The following GRM3 variants were observed in gnomAD, a reference collection of about 807,000 sequenced individuals.
The protein encoded by GRM3 is metabotropic glutamate receptor 3.
GRM3 carries 26 observed loss-of-function variants against 70.5 expected under a neutral mutation model. The observed-to-expected ratio is 0.37, with a 90% confidence interval of 0.27 to 0.51. GRM3 has a LOEUF of 0.51. Among genes scored for constraint, GRM3 ranks in the 20% least tolerant of loss-of-function variants. The probability of loss-of-function intolerance (pLI) is 0.93; values close to 1 mark genes in which losing one functional copy is unlikely to be tolerated. For missense variants in GRM3, 859 were observed against 1,123.8 expected (o/e 0.76, Z 3.37); for synonymous variants, 443 against 434.9 (o/e 1.02, Z -0.23).
intron 1 of GRM3, among the ~76,000 whole-genome samples, chr7:86,645,980 T>TGGGTGG (rs1562811178): frequency 2.0e-5 from 1 of 50,178 alleles, no homozygotes; most frequent in African/African-American, 9.5e-5. Flanking sequence ...TTCTTTGTGG[T>TGGGTGG]GGGCGGGGGG....
At chr7:86,852,113 C>T (rs1175463730) in intron 5 of GRM3, among the ~76,000 whole-genome samples, 1 of 152,072 alleles carries the variant, frequency 6.6e-6, no homozygotes, top group African/African-American at 2.4e-5. Flanking sequence ...GAGTCAGTTC[C>T]TATGATTTCA....
intron 1 of GRM3, among the ~76,000 whole-genome samples, chr7:86,647,142 G>T (rs193025142): frequency 5.3e-5 from 8 of 152,266 alleles, no homozygotes; most frequent in Non-Finnish European, 2.9e-5. Context: ...TGATTAGCTG[G>T]AATCACACAA....
chr7:86,657,006 T>C (rs1046559063), intron 1 of GRM3, among the ~76,000 whole-genome samples: 3 of 152,310 alleles, frequency 2.0e-5, no homozygotes, highest in African/African-American at 4.8e-5. Flanking sequence ...TAAATTATCA[T>C]GTTAATATCT....
intron 3 of GRM3, among the ~76,000 whole-genome samples, chr7:86,799,680 C>A (rs951134637): frequency 2.6e-5 from 4 of 151,736 alleles, no homozygotes; most frequent in African/African-American, 9.7e-5. Flanking sequence ...GCGCCCACCA[C>A]CAAGGCCAGC....
intron 3 of GRM3, among the ~76,000 whole-genome samples, chr7:86,808,241 C>G (rs1052013020): frequency 1.3e-5 from 2 of 152,122 alleles, no homozygotes; most frequent in African/African-American, 4.8e-5. Flanking sequence ...GCATTGGTAT[C>G]AGGATGATGC....
rs545330037 is a variant in GRM3, at chr7:86,772,082, T to G, written c.468+6469T>G. 2.6e-5 allele frequency among the ~76,000 whole-genome samples: 4 copies of G among 152,246 alleles called. No individual in the cohort carries two copies. In the East Asian group the frequency reaches 7.7e-4, roughly 29 times the overall value. ...AAATATAACTGTTCATTTGCATATT[T>G]ATTCTTCCATGAACTATAAGCCACT... On this transcript the variant is annotated intron_variant, in intron 2 of 5. Transcript: ENST00000361669.
At chr7:86,728,055 C>T (rs1002830270) in intron 1 of GRM3, among the ~76,000 whole-genome samples, 3 of 152,142 alleles carry the variant, frequency 2.0e-5, no homozygotes, top group Admixed American at 2.0e-4. Context: ...ATTCTGTAGA[C>T]AATTTATATT....
chr7:86,704,327 G>A (rs922501915), intron 1 of GRM3, among the ~76,000 whole-genome samples: 1 of 151,808 alleles, frequency 6.6e-6, no homozygotes, highest in Non-Finnish European at 1.5e-5. Flanking sequence ...TTTATTCATA[G>A]GAATACATTA....
chr7:86,829,456 A>C (rs558694838), intron 3 of GRM3, among the ~76,000 whole-genome samples: 1 of 152,294 alleles, frequency 6.6e-6, no homozygotes, highest in African/African-American at 2.4e-5. Context: ...TTTTGAGCTT[A>C]TCTCAGCTTT....
At chr7:86,723,937 T>C (rs1490158398) in intron 1 of GRM3, among the ~76,000 whole-genome samples, 1 of 152,148 alleles carries the variant, frequency 6.6e-6, no homozygotes, top group Non-Finnish European at 1.5e-5. Context: ...GCATTTCAAA[T>C]AACATGTGTT....
At chr7:86,840,299 G>T (rs546367295) in intron 4 of GRM3, among the ~76,000 whole-genome samples, 2 of 152,184 alleles carry the variant, frequency 1.3e-5, no homozygotes, top group Non-Finnish European at 2.9e-5. Flanking sequence ...GATATAGGAG[G>T]ACTCGGCTAC....
At chr7:86,848,883 T>C (rs1798706412) in intron 4 of GRM3, among the ~76,000 whole-genome samples, 1 of 152,234 alleles carries the variant, frequency 6.6e-6, no homozygotes, top group Non-Finnish European at 1.5e-5. Context: ...ACACCTGACT[T>C]TTTGTAAATG....
chr7:86,731,194 G>A lies in GRM3; in HGVS notation c.-140-33812G>A, dbSNP rs1183086761. Among the ~76,000 whole-genome samples, 5 of 152,086 alleles carry A rather than the reference G, an allele frequency of 3.3e-5. No individual in the cohort carries two copies. In the South Asian group the frequency reaches 6.2e-4, roughly 19 times the overall value. ...TCTTTTGATTGAATATTGGCTGCTCGAATTCTACTACTGAATTCATCATAT... is the reference window on the plus strand; with the variant it reads ...TCTTTTGATTGAATATTGGCTGCTCAAATTCTACTACTGAATTCATCATAT... On this transcript the variant is annotated intron_variant, in intron 1 of 5. Coordinates refer to ENST00000361669, the MANE Select transcript of GRM3 (RefSeq NM_000840.3).
At chr7:86,841,130 T>C (rs972749203) in intron 4 of GRM3, among the ~76,000 whole-genome samples, 1 of 152,186 alleles carries the variant, frequency 6.6e-6, no homozygotes, top group African/African-American at 2.4e-5. Flanking sequence ...TGTACATAAA[T>C]GTATACAATT....
chr7:86,759,475 A>G (rs1796427233), intron 1 of GRM3, among the ~76,000 whole-genome samples: 1 of 152,168 alleles, frequency 6.6e-6, no homozygotes, highest in Non-Finnish European at 1.5e-5. Context: ...CAATCTTTCT[A>G]AAACTTGCAT....
chr7:86,721,467 G>A (rs1448894624), intron 1 of GRM3, among the ~76,000 whole-genome samples: 1 of 152,066 alleles, frequency 6.6e-6, no homozygotes, highest in African/African-American at 2.4e-5. Context: ...ATTCTTCCAT[G>A]GAAAGAATAA....
intron 5 of GRM3, among the ~76,000 whole-genome samples, chr7:86,860,973 C>T (rs1360550459): frequency 1.3e-5 from 2 of 152,162 alleles, no homozygotes; most frequent in African/African-American, 4.8e-5. Flanking sequence ...CTAGACTTAT[C>T]CCTGTGACAC....
intron 1 of GRM3, among the ~76,000 whole-genome samples, chr7:86,659,068 T>C (rs572606109): frequency 8.5e-5 from 13 of 152,298 alleles, no homozygotes; most frequent in Admixed American, 5.9e-4. Context: ...AAAGTCAACA[T>C]TGAGGCAGAT....
rs1301623797 is a variant in GRM3, at chr7:86,786,621, C to A, written c.829C>A (p.Arg277Ser). 6.2e-7 allele frequency: 1 copy of A among 1,612,892 alleles called. No individual in the cohort carries two copies. Among genetic ancestry groups the A allele is most frequent in the Non-Finnish European group, 8.5e-7 (1 of 1,179,958 alleles). Residue 277 changes from arginine (R) to serine (S), a missense_variant, in exon 3 of 6, where the codon CGC becomes AGC. Arg to Ser is a moderately radical substitution (Grantham distance 110, BLOSUM62 -1). Coordinates refer to ENST00000361669, the MANE Select transcript of GRM3 (RefSeq NM_000840.3). This position sits in a 1 kb window ranked among gnomAD's most constrained non-coding sequence, Gnocchi z 6.0. ...PNARVVVLFM[R>S]SDDSRELIAA... ...CGCGCGCGTCGTGGTCCTCTTCATG[C>A]GCAGCGACGACTCGCGGGAGCTCAT...
Sources: allele counts gnomAD v4.1 joint callset (sites outside exome capture counted in the v4.1 genomes callset), GRCh38; gene constraint gnomAD v4.1.1; non-coding constraint Gnocchi (gnomAD v3.1); transcripts MANE v1.5; gene names NCBI Gene and HGNC (gene_info 2026-07-23, HGNC 2026-07-21).